The following CACNG2 variants were observed in gnomAD, a reference collection of about 807,000 sequenced individuals.
CACNG2 encodes the protein calcium voltage-gated channel auxiliary subunit gamma 2, also known as voltage-dependent calcium channel gamma-2 subunit.
A neutral mutation model predicts 25.9 loss-of-function variants in CACNG2; 3 were observed. That is an observed-to-expected ratio of 0.12 (90% CI 0.05 to 0.30). The LOEUF (loss-of-function observed/expected upper bound fraction) is 0.30, where lower values mean the gene tolerates loss of function less well. Among genes scored for constraint, CACNG2 ranks in the 10% least tolerant of loss-of-function variants. The pLI is 1.00. For missense variants in CACNG2, 341 were observed against 432.5 expected (o/e 0.79, Z 1.88); for synonymous variants, 167 against 173.3 (o/e 0.96, Z 0.29).
chr22:36,607,396 C>G (rs1345480364), intron 1 of CACNG2, among the ~76,000 whole-genome samples: 20 of 152,112 alleles, frequency 1.3e-4, no homozygotes, highest in Non-Finnish European at 2.8e-4. Flanking sequence ...GCTGGGACTA[C>G]AGACACGCGC....
At chr22:36,631,673 T>C (rs1397631323) in intron 1 of CACNG2, among the ~76,000 whole-genome samples, 1 of 152,032 alleles carries the variant, frequency 6.6e-6, no homozygotes, top group African/African-American at 2.4e-5. Context: ...TGTCTCACTC[T>C]CAGCCTCAGG....
rs191593346 is a variant in CACNG2, at chr22:36,664,236, A to C, written c.211+38130T>G. 9.1e-4 allele frequency among the ~76,000 whole-genome samples: 138 copies of C among 151,586 alleles called. 3 individuals are homozygous for C. Among genetic ancestry groups the C allele is most frequent in the Non-Finnish European group, 7.4e-5 (5 of 67,844 alleles). On this transcript the variant is annotated intron_variant, in intron 1 of 3. Coordinates refer to ENST00000300105, the MANE Select transcript of CACNG2 (RefSeq NM_006078.5). The stretch of plus-strand genomic sequence containing the variant: ...CCAAGAAGGTCAGACACACACACAC[A>C]CCCATACACACACGCACAGAATGAG...
At chr22:36,590,731 G>A (rs1035566531) in intron 1 of CACNG2, among the ~76,000 whole-genome samples, 2 of 152,076 alleles carry the variant, frequency 1.3e-5, no homozygotes, top group East Asian at 1.9e-4. Flanking sequence ...CCTCCAGCTC[G>A]GAAACACTCC....
At chr22:36,681,551 G>A (rs893455114) in intron 1 of CACNG2, among the ~76,000 whole-genome samples, 10 of 152,118 alleles carry the variant, frequency 6.6e-5, no homozygotes, top group East Asian at 5.8e-4. Flanking sequence ...CATTTTTTGG[G>A]GGGCAGCCAC....
intron 1 of CACNG2, among the ~76,000 whole-genome samples, chr22:36,701,654 G>A (rs1001064399): frequency 6.6e-6 from 1 of 151,714 alleles, no homozygotes; most frequent in East Asian, 1.9e-4. Flanking sequence ...TAACCCGCAA[G>A]TGAATTGCTG....
In CACNG2 at chr22:36,564,627, G is replaced by A; in HGVS notation, c.696C>T (p.Arg232=). The change falls in exon 4 of 4, where the codon CGC becomes CGT. Residue 232 remains arginine, a synonymous_variant. Coordinates refer to ENST00000300105, the MANE Select transcript of CACNG2 (RefSeq NM_006078.5). This position sits in a 1 kb window ranked among gnomAD's most constrained non-coding sequence, Gnocchi z 6.7. ...AITRIPSYRY[R]YQRRSRSSSR... ...AGCTGGAGCGGCTGCGGCGCTGGTA[G>A]CGGTAGCGGTAGCTGGGGATGCGGG... The A allele has an allele frequency of 1.2e-6, 2 of 1,613,860 alleles. No homozygotes were observed. The highest frequency in any genetic ancestry group is 1.1e-5 in the South Asian group (1 of 91,074).
chr22:36,627,956 A>T (rs1385964504), intron 1 of CACNG2, among the ~76,000 whole-genome samples: 1 of 152,084 alleles, frequency 6.6e-6, no homozygotes, highest in Non-Finnish European at 1.5e-5. Flanking sequence ...AAACATTTTG[A>T]TATGATGTTA....
chr22:36,605,622 A>G (rs1935819746), intron 1 of CACNG2, among the ~76,000 whole-genome samples: 1 of 152,192 alleles, frequency 6.6e-6, no homozygotes, highest in Non-Finnish European at 1.5e-5. Context: ...GGAGTCAGTT[A>G]AACTTCTGTC....
At chr22:36,571,534 C>G (rs1286694505) in intron 2 of CACNG2, among the ~76,000 whole-genome samples, 4 of 151,734 alleles carry the variant, frequency 2.6e-5, no homozygotes, top group Admixed American at 6.6e-5. Context: ...AATGAGATCC[C>G]CAGAGCAAGA....
chr22:36,584,608 T>G (rs1935470525), intron 2 of CACNG2: 1 of 152,248 alleles, frequency 6.6e-6, no homozygotes, highest in Non-Finnish European at 1.5e-5. Flanking sequence ...TGGCACTCAG[T>G]GAGTGCTTAG....
At chr22:36,668,708 C>T (rs146791996) in intron 1 of CACNG2, among the ~76,000 whole-genome samples, 219 of 152,220 alleles carry the variant, frequency 1.4e-3, no homozygotes, top group Middle Eastern at 0.01. Flanking sequence ...GTTGCCCAGG[C>T]TGGTCTCGAA....
At chr22:36,582,628 C>T (rs1264918399) in intron 2 of CACNG2, among the ~76,000 whole-genome samples, 1 of 151,542 alleles carries the variant, frequency 6.6e-6, no homozygotes, top group Non-Finnish European at 1.5e-5. Context: ...AGGCTGGTCT[C>T]GAACTCCCAA....
At chr22:36,603,448 C>T (rs778573305) in intron 1 of CACNG2, among the ~76,000 whole-genome samples, 5 of 152,138 alleles carry the variant, frequency 3.3e-5, no homozygotes, top group Non-Finnish European at 7.3e-5. Flanking sequence ...TGAAGGTGGC[C>T]ACACTAAACA....
chr22:36,631,717 G>T (rs539958400), intron 1 of CACNG2, among the ~76,000 whole-genome samples: 89 of 150,374 alleles, frequency 5.9e-4, no homozygotes, highest in African/African-American at 2.1e-3. Flanking sequence ...AGCTGGAACT[G>T]CCCGGTTATG....
chr22:36,602,873 A>AC (rs34528248), intron 1 of CACNG2, among the ~76,000 whole-genome samples: 2 of 150,732 alleles, frequency 1.3e-5, no homozygotes, highest in African/African-American at 4.9e-5. Context: ...CTCTCCTTGG[A>AC]CCCCCCTATT....
In CACNG2 at chr22:36,577,206, C is replaced by A. The variant is rs562028336; in HGVS notation, c.295+10259G>T. On this transcript the variant is annotated intron_variant, in intron 2 of 3. Coordinates refer to ENST00000300105, the MANE Select transcript of CACNG2 (RefSeq NM_006078.5). ...AGAATAATGTCTGGTATGCGAGGAG[C>A]ACCAGCAAATCGTGCTCATCATTCC... Among the ~76,000 whole-genome samples, 5 of 152,338 alleles carry A rather than the reference C, an allele frequency of 3.3e-5. No homozygotes were observed. The South Asian group carries it at 1.0e-3, about 32-fold the overall frequency.
intron 1 of CACNG2, among the ~76,000 whole-genome samples, chr22:36,665,127 C>T (rs1252183214): frequency 3.3e-5 from 5 of 152,182 alleles, no homozygotes; most frequent in African/African-American, 1.2e-4. Context: ...ATTTATTTCC[C>T]ACACCTCCTT....
chr22:36,669,683 T>A (rs1354120184), intron 1 of CACNG2, among the ~76,000 whole-genome samples: 1 of 152,098 alleles, frequency 6.6e-6, no homozygotes, highest in Non-Finnish European at 1.5e-5. Flanking sequence ...CGTTTTTCTT[T>A]TCTCTTCATT....
intron 1 of CACNG2, among the ~76,000 whole-genome samples, chr22:36,701,147 G>A (rs1937406761): frequency 6.6e-6 from 1 of 152,000 alleles, no homozygotes; most frequent in African/African-American, 2.4e-5. Flanking sequence ...GCTTCCCGAC[G>A]CTGCCTCAAA....
Sources: allele counts gnomAD v4.1 joint callset (sites outside exome capture counted in the v4.1 genomes callset), GRCh38; gene constraint gnomAD v4.1.1; non-coding constraint Gnocchi (gnomAD v3.1); transcripts MANE v1.5; gene names NCBI Gene and HGNC (gene_info 2026-07-23, HGNC 2026-07-21).